PKD1L1: variants seen among roughly 807,000 people sequenced by gnomAD.
The protein encoded by PKD1L1 is polycystin 1 like 1, transient receptor potential channel interacting.
In PKD1L1, 236 loss-of-function variants were observed where a neutral mutation model predicts 323.4. The observed-to-expected ratio is 0.73, with a 90% CI of 0.66 to 0.81. The LOEUF (loss-of-function observed/expected upper bound fraction) is 0.81. Among genes scored for constraint, PKD1L1 ranks in the 40% least tolerant of loss-of-function variants. The pLI, the probability that PKD1L1 is intolerant of heterozygous loss-of-function variation, is 0.00. For missense variants in PKD1L1, 3,320 were observed against 3,508.0 expected (o/e 0.95, Z 1.35); for synonymous variants, 1,344 against 1,335.0 (o/e 1.01, Z -0.15).
intron 8 of PKD1L1, among the ~76,000 whole-genome samples, chr7:47,910,222 C>T (rs530520482): frequency 2.0e-4 from 30 of 152,162 alleles, no homozygotes; most frequent in African/African-American, 6.3e-4. Flanking sequence ...GCAGATTTCA[C>T]GACCACAAGT....
rs117750169 is a variant in PKD1L1, at chr7:47,839,401, C to T, written c.5769+45G>A. ...AGCAGAGACAGGTGCCATGCTCTGC[C>T]GGTCAGCCAGGTGCGCCACGAGAGG... On this transcript the variant is annotated intron_variant, in intron 36 of 56. Coordinates refer to ENST00000289672, the MANE Select transcript of PKD1L1 (RefSeq NM_138295.5). The surrounding 1 kb of genome is among the most constrained non-coding windows in gnomAD (Gnocchi z 4.3). The T allele has an allele frequency of 1.2e-4, 176 of 1,511,106 alleles. 1 individual carries two copies. The East Asian group carries it at 3.5e-3, about 30-fold the overall frequency. 93.6% of individuals were successfully genotyped at this position (1,511,106 alleles called of 1,614,324 possible). A position where few individuals can be genotyped will look rare whatever the true frequency, so the allele number is the denominator to read the frequency against.
chr7:47,794,414 G>C (rs1031138057), intron 55 of PKD1L1, among the ~76,000 whole-genome samples: 2 of 152,202 alleles, frequency 1.3e-5, no homozygotes, highest in Non-Finnish European at 2.9e-5. Flanking sequence ...TGGGGCTTCA[G>C]AGAGTGGAAC....
intron 42 of PKD1L1, 79 bp downstream of exon 42, chr7:47,831,138 A>G (rs1258138162): frequency 1.3e-6 from 2 of 1,516,324 alleles, no homozygotes; most frequent in Non-Finnish European, 1.8e-6. Context: ...ATGAGTTCCC[A>G]GAAATGCAGG....
intron 40 of PKD1L1, among the ~76,000 whole-genome samples, chr7:47,833,896 G>C (rs1402279506): frequency 6.6e-6 from 1 of 152,204 alleles, no homozygotes; most frequent in Non-Finnish European, 1.5e-5. Context: ...CTGGAACGGA[G>C]CTCCCAGCAC....
chr7:47,792,647 A>C lies in PKD1L1; in HGVS notation c.8506T>G (p.Ser2836Ala). Reference sequence around the variant, plus strand: ...CTTACCTCAGCAGCTTGGTAACTAGAAATGTCCACTAAGGGACTCTCTTCT... The same window carrying C: ...CTTACCTCAGCAGCTTGGTAACTAGCAATGTCCACTAAGGGACTCTCTTCT... ...RTEESPLVDI[S>A]SYQAAEPADI... The change falls in exon 56 of 57, where the codon TCT (serine) becomes GCT (alanine). Residue 2836 changes from serine (S) to alanine (A), a missense_variant. Coordinates refer to ENST00000289672, the MANE Select transcript of PKD1L1 (RefSeq NM_138295.5). 1 of 1,613,324 alleles carries C rather than the reference A, an allele frequency of 6.2e-7. No individual in the cohort carries two copies. The highest frequency in any genetic ancestry group is 8.5e-7 in the Non-Finnish European group (1 of 1,179,608).
chr7:47,784,879 C>A (rs2128722005), intron 56 of PKD1L1, among the ~76,000 whole-genome samples: 1 of 152,290 alleles, frequency 6.6e-6, no homozygotes, highest in South Asian at 2.1e-4. Context: ...CCAGAGCCAC[C>A]TATTAGCATT....
In PKD1L1 at chr7:47,840,707, G is replaced by C; in HGVS notation, c.5446-140C>G. ...CTGCACGGTGGAGTGCCACAGCCTA[G>C]AGCCAGGGGATGAGTGGGCACGTCC... On this transcript the variant is annotated intron_variant, in intron 34 of 56. Coordinates refer to ENST00000289672, the MANE Select transcript of PKD1L1 (RefSeq NM_138295.5). This position sits in a 1 kb window ranked among gnomAD's most constrained non-coding sequence, Gnocchi z 4.1. 1.6e-6 allele frequency: 1 copy of C among 634,400 alleles called. No individual in the cohort carries two copies. Among genetic ancestry groups the C allele is most frequent in the Non-Finnish European group, 2.7e-6 (1 of 364,148 alleles). The allele number at this position is 634,400 out of a possible 1,614,324, so 39.3% of individuals were successfully genotyped here.
At chr7:47,879,223 C>T (rs1053311218) in intron 21 of PKD1L1, among the ~76,000 whole-genome samples, 5 of 152,160 alleles carry the variant, frequency 3.3e-5, no homozygotes, top group African/African-American at 9.7e-5. Flanking sequence ...AAGTGAACCT[C>T]GGGTTTCCCA....
rs1562964065 is a variant in PKD1L1 at position 47,864,620 on chromosome 7, CTTT to C, written c.4149+593_4149+595del. 2.2e-4 allele frequency among the ~76,000 whole-genome samples: 31 copies of C among 139,986 alleles called. No individual in the cohort carries two copies. In the South Asian group the frequency reaches 3.3e-3, roughly 15 times the overall value. 91.8% of individuals were successfully genotyped at this position (139,986 alleles called of 152,430 possible). On this transcript the variant is annotated intron_variant, in intron 26 of 56. Coordinates refer to ENST00000289672, the MANE Select transcript of PKD1L1 (RefSeq NM_138295.5). ...TCTTTCTTTCTTTCTTTCTTTCTTT[CTTT>C]CTTTCTTTCTTTCCTTCCTTCCTTC... is the stretch of plus-strand genomic sequence containing the variant.
chr7:47,960,740 G>A, the PKD1L1 span, among the ~76,000 whole-genome samples: 3 of 147,852 alleles, frequency 2.0e-5, no homozygotes, highest in Non-Finnish European at 1.5e-5. Context: ...CTTCTCAAAA[G>A]AAGACAAGCA....
chr7:47,777,111 G>A (rs1332369451), intron 56 of PKD1L1, among the ~76,000 whole-genome samples: 3 of 152,158 alleles, frequency 2.0e-5, no homozygotes, highest in Non-Finnish European at 4.4e-5. Flanking sequence ...AGGCCGGCCT[G>A]GAAATCCCAG....
intron 24 of PKD1L1, among the ~76,000 whole-genome samples, chr7:47,871,902 C>T (rs1246799445): frequency 6.6e-6 from 1 of 152,016 alleles, no homozygotes; most frequent in Non-Finnish European, 1.5e-5. Flanking sequence ...TTCTGTTCAG[C>T]GTTGAATGGA....
At chr7:47,777,041 G>A (rs539182221) in intron 56 of PKD1L1, among the ~76,000 whole-genome samples, 189 of 152,116 alleles carry the variant, frequency 1.2e-3, no homozygotes, top group African/African-American at 4.0e-3. Flanking sequence ...ACAAGCATGC[G>A]CCACCACATT....
intron 13 of PKD1L1, among the ~76,000 whole-genome samples, chr7:47,899,872 T>C (rs775118838): frequency 4.7e-5 from 7 of 147,756 alleles, no homozygotes; most frequent in Non-Finnish European, 1.0e-4. Context: ...AGGAGAATGG[T>C]GTGAACCCGG....
At chr7:47,853,835 A>T (rs2128741320) in intron 30 of PKD1L1, among the ~76,000 whole-genome samples, 1 of 151,912 alleles carries the variant, frequency 6.6e-6, no homozygotes, top group East Asian at 1.9e-4. Flanking sequence ...AAGAATGGCC[A>T]GCACAGTCTG....
intron 46 of PKD1L1, chr7:47,819,642 A>AC: frequency 8.6e-7 from 1 of 1,162,770 alleles, no homozygotes; most frequent in Non-Finnish European, 1.2e-6. Context: ...AATGCTCAGC[A>AC]GAAAAAAAAA....
chr7:47,858,922 C>T (rs1785964776), intron 26 of PKD1L1, 37 bp from the exon 27 acceptor site: 1 of 1,604,762 alleles, frequency 6.2e-7, no homozygotes, highest in African/African-American at 1.3e-5. Context: ...AAATGCCTGG[C>T]CTTGAGCAAG....
intron 54 of PKD1L1, among the ~76,000 whole-genome samples, chr7:47,799,171 A>G (rs1400960549): frequency 6.6e-6 from 1 of 152,158 alleles, no homozygotes; most frequent in African/African-American, 2.4e-5. Context: ...TGAATGAACA[A>G]ATGAGTGGAT....
At chr7:47,960,377 T>TAAAAAAAAAAAAAAAAAAAATGTAA in the PKD1L1 span, among the ~76,000 whole-genome samples, 1 of 89,516 alleles carries the variant, frequency 1.1e-5, no homozygotes, top group Non-Finnish European at 2.1e-5. Context: ...AAAAAAAAAT[T>TAAAAAAAAAAAAAAAAAAAATGTAA]AAAAAAAAAA....
Sources: allele counts gnomAD v4.1 joint callset (sites outside exome capture counted in the v4.1 genomes callset), GRCh38; gene constraint gnomAD v4.1.1; non-coding constraint Gnocchi (gnomAD v3.1); transcripts MANE v1.5; gene names NCBI Gene and HGNC (gene_info 2026-07-23, HGNC 2026-07-21).